The following CLEC12B variants were observed in gnomAD, a reference collection of about 807,000 sequenced individuals.
The protein encoded by CLEC12B is C-type lectin domain family 12 member B, also known as macrophage antigen h.
Under a neutral mutation model 36.1 loss-of-function variants are expected in CLEC12B, and 25 were observed. The ratio of observed to expected loss-of-function variants is 0.69; its 90% CI spans 0.50 to 0.97. CLEC12B has a LOEUF of 0.97. Ranked by LOEUF, CLEC12B falls within the 50% of genes least tolerant of loss-of-function variation. CLEC12B has a pLI of 0.00. For missense variants in CLEC12B, 325 were observed against 318.4 expected (o/e 1.02, Z -0.16); for synonymous variants, 110 against 108.5 (o/e 1.01, Z -0.09).
At chr12:10,013,842 A>G (rs1379235007) in intron 2 of CLEC12B, among the ~76,000 whole-genome samples, 1 of 152,228 alleles carries the variant, frequency 6.6e-6, no homozygotes, top group Non-Finnish European at 1.5e-5. Flanking sequence ...GATATTCTGG[A>G]GCCAATCAGT....
At position 10,012,392 on chromosome 12, in the gene CLEC12B, G is replaced by C. The variant is rs189941736; in HGVS notation, c.92-393G>C. Among the ~76,000 whole-genome samples, 922 of 152,232 alleles carry C rather than the reference G, an allele frequency of 6.1e-3. 8 individuals carry two copies. Among genetic ancestry groups the C allele is most frequent in the Non-Finnish European group, 6.9e-3 (466 of 68,010 alleles). ...AACAAAAACCTTGAAATTAGGAGAA[G>C]CTTCCTTTTTATTTTATTATTATTA... On this transcript the variant is annotated intron_variant, in intron 1 of 5. Transcript: ENST00000338896.
chr12:10,006,727 G>T (rs1380234404), upstream of CLEC12B, among the ~76,000 whole-genome samples: 1 of 152,144 alleles, frequency 6.6e-6, no homozygotes, highest in Admixed American at 6.5e-5. Flanking sequence ...TTATACTGAG[G>T]TAATGTTGAC....
At chr12:10,009,599 T>C (rs140033490), upstream of CLEC12B, among the ~76,000 whole-genome samples, 3 of 151,616 alleles carry the variant, frequency 2.0e-5, no homozygotes, top group Non-Finnish European at 4.4e-5. Flanking sequence ...AAGTAACATA[T>C]GTATATTTAG....
chr12:10,009,973 G>T (rs560048216), upstream of CLEC12B, among the ~76,000 whole-genome samples: 9 of 152,102 alleles, frequency 5.9e-5, no homozygotes, highest in African/African-American at 2.2e-4. Context: ...ATTAACTTCC[G>T]GTAGTTATCT....
chr12:10,010,694 G>A lies in CLEC12B; in HGVS notation c.-66G>A. ...AAGCTCCCAGCCTTGAAAAACACAT[G>A]CTGTTCCCAGGCCTCAAGATATTGA... On this transcript the variant is annotated 5_prime_UTR_variant, in exon 1 of 6. It removes an upstream start codon present in the reference 5' UTR. Coordinates refer to ENST00000338896, the MANE Select transcript of CLEC12B (RefSeq NM_001129998.3). 1 of 1,039,908 alleles carries A rather than the reference G, an allele frequency of 9.6e-7. No individual in the cohort carries two copies. The highest frequency in any genetic ancestry group is 1.9e-5 in the Admixed American group (1 of 51,994). 64.4% of individuals were successfully genotyped at this position (1,039,908 alleles called of 1,614,324 possible).
At position 10,010,664 on chromosome 12, in the gene CLEC12B, C is replaced by A; in HGVS notation, c.-96C>A. 4.1e-6 allele frequency: 3 copies of A among 723,692 alleles called. No homozygotes were observed. Among genetic ancestry groups the A allele is most frequent in the Non-Finnish European group, 7.1e-6 (3 of 424,140 alleles). 44.8% of individuals were successfully genotyped at this position (723,692 alleles called of 1,614,324 possible). ...TGTGTCTGGGTCAGCTGAGTGACTA[C>A]ATCAAAGCTCCCAGCCTTGAAAAAC... is the stretch of plus-strand genomic sequence containing the variant. On this transcript the variant is annotated 5_prime_UTR_variant, in exon 1 of 6. Coordinates refer to ENST00000338896, the MANE Select transcript of CLEC12B (RefSeq NM_001129998.3).
At chr12:10,009,021 C>T (rs1865264347), upstream of CLEC12B, among the ~76,000 whole-genome samples, 1 of 152,128 alleles carries the variant, frequency 6.6e-6, no homozygotes, top group African/African-American at 2.4e-5. Flanking sequence ...CTCTGTAAAA[C>T]GCACCAATCA....
chr12:10,015,986 AT>A, intron 5 of CLEC12B: 1 of 1,176,868 alleles, frequency 8.5e-7, no homozygotes, highest in Non-Finnish European at 1.1e-6. Context: ...CATTCAAAGT[AT>A]TTTATAAATA....
chr12:10,014,949 G>T (rs1353899487), intron 3 of CLEC12B, among the ~76,000 whole-genome samples: 1 of 152,150 alleles, frequency 6.6e-6, no homozygotes, highest in Non-Finnish European at 1.5e-5. Flanking sequence ...ATCTTGGAAT[G>T]ATATCAATCT....
Position 10,015,344 on chromosome 12 carries a change from A to G in CLEC12B, c.502A>G (p.Ser168Gly), listed in dbSNP as rs748354997. 1 of 1,613,442 alleles carries G rather than the reference A, an allele frequency of 6.2e-7. No homozygotes were observed. Among genetic ancestry groups the G allele is most frequent in the Non-Finnish European group, 8.5e-7 (1 of 1,179,664 alleles). Residue 168 changes from serine (S) to glycine (G), a missense_variant, in exon 4 of 6, where the codon AGT becomes GGT. Transcript: ENST00000338896. ...AAATGAGGAGAAAACCTGGGCTAAC[A>G]GTAGAAAGGACTGCATAGACAAGAA... is the stretch of plus-strand genomic sequence containing the variant. The part of the protein sequence containing the change: ...TTNEEKTWAN[S>G]RKDCIDKNST...
intron 2 of CLEC12B, 161 bp downstream of exon 2, chr12:10,013,044 G>A (rs1375650217): frequency 1.3e-5 from 8 of 635,356 alleles, no homozygotes; most frequent in African/African-American, 1.9e-5. Context: ...CCAAAAAACC[G>A]GCAAAAGACA....
chr12:10,010,192 T>TCACACA (rs1565577512), upstream of CLEC12B, among the ~76,000 whole-genome samples: 3 of 48,564 alleles, frequency 6.2e-5, no homozygotes, highest in Non-Finnish European at 1.3e-4. Context: ...TCTCTCTCTG[T>TCACACA]CTCTCTCTCA....
At chr12:10,017,147 T>C in intron 5 of CLEC12B, 2 of 985,354 alleles carry the variant, frequency 2.0e-6, no homozygotes, top group Non-Finnish European at 1.2e-6. Flanking sequence ...GTCATGGCTA[T>C]TTCTACTCAA....
At chr12:10,013,165 C>T (rs749500426) in intron 2 of CLEC12B, 6 of 395,450 alleles carry the variant, frequency 1.5e-5, no homozygotes, top group Non-Finnish European at 2.8e-5. Flanking sequence ...CTCTTTTCTG[C>T]CTAGACACAC....
At chr12:10,009,894 TC>T (rs200027806), upstream of CLEC12B, among the ~76,000 whole-genome samples, 42 of 151,318 alleles carry the variant, frequency 2.8e-4, no homozygotes, top group African/African-American at 8.0e-4. Flanking sequence ...TATATAGCGC[TC>T]CCCCCCCATA....
intron 3 of CLEC12B, 89 bp downstream of exon 3, chr12:10,014,830 G>A (rs1865438951): frequency 1.2e-6 from 1 of 822,120 alleles, no homozygotes; most frequent in Non-Finnish European, 2.0e-6. Context: ...AGTATTGAGA[G>A]AGTTATGTCA....
At chr12:10,016,131 A>G (rs1232781575) in intron 5 of CLEC12B, 1 of 243,422 alleles carries the variant, frequency 4.1e-6, no homozygotes, top group Non-Finnish European at 6.7e-6. Flanking sequence ...TCACTCAGCT[A>G]TTCTGACTCT....
intron 5 of CLEC12B, 152 bp downstream of exon 5, chr12:10,015,879 A>G (rs1191891971): frequency 8.3e-6 from 12 of 1,452,914 alleles, no homozygotes; most frequent in Non-Finnish European, 1.1e-5. Flanking sequence ...AAGGAGGTAT[A>G]GTTCATTTCA....
intron 5 of CLEC12B, chr12:10,017,663 T>C (rs144777435): frequency 5.6e-4 from 551 of 979,832 alleles, no homozygotes; most frequent in Middle Eastern, 1.6e-3. Context: ...AGCCTAGCCC[T>C]GAAGCAAGCA....
Sources: allele counts gnomAD v4.1 joint callset (sites outside exome capture counted in the v4.1 genomes callset), GRCh38; gene constraint gnomAD v4.1.1; transcripts MANE v1.5; gene names NCBI Gene and HGNC (gene_info 2026-07-23, HGNC 2026-07-21).